CNBD1: variants seen among roughly 807,000 people sequenced by gnomAD.
CNBD1 encodes the protein cyclic nucleotide-binding domain-containing protein 1.
CNBD1 carries 71 observed loss-of-function variants against 54.4 expected under a neutral mutation model. The ratio of observed to expected loss-of-function variants is 1.30; its 90% CI spans 1.08 to 1.59. The LOEUF (loss-of-function observed/expected upper bound fraction) is 1.59. Ranked by LOEUF, CNBD1 falls within the 40% of genes most tolerant of loss-of-function variation. The pLI is 0.00. For missense variants in CNBD1, 659 were observed against 518.0 expected (o/e 1.27, Z -2.64); for synonymous variants, 182 against 170.7 (o/e 1.07, Z -0.51).
intron 8 of CNBD1, among the ~76,000 whole-genome samples, chr8:87,315,385 A>AT (rs112581986): frequency 1.8e-3 from 265 of 147,948 alleles, no homozygotes; most frequent in African/African-American, 2.2e-3. Flanking sequence ...AAAAATAGAG[A>AT]TTTTTTTTTT....
At chr8:86,939,098 C>T (rs888591458) in intron 3 of CNBD1, among the ~76,000 whole-genome samples, 7 of 151,964 alleles carry the variant, frequency 4.6e-5, no homozygotes, top group African/African-American at 1.4e-4. Flanking sequence ...ATTTGTACAT[C>T]TCTTAGGGAT....
At chr8:87,084,144 A>G (rs1410607163) in intron 4 of CNBD1, among the ~76,000 whole-genome samples, 1 of 152,156 alleles carries the variant, frequency 6.6e-6, no homozygotes, top group Admixed American at 6.5e-5. Flanking sequence ...CACTGTTTTC[A>G]TGTTTCATTG....
chr8:87,367,909 C>G (rs764889899), intron 10 of CNBD1, among the ~76,000 whole-genome samples: 1 of 152,026 alleles, frequency 6.6e-6, no homozygotes, highest in African/African-American at 2.4e-5. Context: ...TGGTGGCTTA[C>G]GCCTATAATT....
At chr8:86,878,271 G>A (rs1322879672) in intron 1 of CNBD1, among the ~76,000 whole-genome samples, 1 of 152,006 alleles carries the variant, frequency 6.6e-6, no homozygotes, top group Non-Finnish European at 1.5e-5. Flanking sequence ...TAGGTTCCAG[G>A]ATTATTAAAT....
chr8:87,127,327 A>T lies in CNBD1; in HGVS notation c.432-78666A>T, dbSNP rs113120565. Reference sequence around the variant, plus strand: ...CTCCATTTATTTTAGGTCCTCTCTAATTTCTGTCAGCAATGTTTTTAGTTT... The same window carrying T: ...CTCCATTTATTTTAGGTCCTCTCTATTTTCTGTCAGCAATGTTTTTAGTTT... On this transcript the variant is annotated intron_variant, in intron 4 of 10. Coordinates refer to ENST00000518476, the MANE Select transcript of CNBD1 (RefSeq NM_173538.3). 3.3e-3 allele frequency among the ~76,000 whole-genome samples: 495 copies of T among 152,170 alleles called. 4 individuals are homozygous for T. Among genetic ancestry groups the T allele is most frequent in the African/African-American group, 0.011 (458 of 41,530 alleles).
At chr8:87,157,706 G>A (rs1448346548) in intron 4 of CNBD1, among the ~76,000 whole-genome samples, 1 of 152,044 alleles carries the variant, frequency 6.6e-6, no homozygotes, top group Non-Finnish European at 1.5e-5. Flanking sequence ...AGGGCAGAGG[G>A]GTCTCAAAAT....
At chr8:87,350,984 C>T (rs1044168396) in intron 8 of CNBD1, among the ~76,000 whole-genome samples, 3 of 151,926 alleles carry the variant, frequency 2.0e-5, no homozygotes, top group South Asian at 2.1e-4. Context: ...ATAATAACAT[C>T]GATTTATTGT....
chr8:87,208,176 T>C (rs1814017931), intron 5 of CNBD1, among the ~76,000 whole-genome samples: 1 of 152,196 alleles, frequency 6.6e-6, no homozygotes, highest in African/African-American at 2.4e-5. Context: ...CAGCTGTTTG[T>C]ACCTTCTGGT....
chr8:86,880,865 T>C (rs1425207249), intron 1 of CNBD1, among the ~76,000 whole-genome samples: 11 of 152,074 alleles, frequency 7.2e-5, no homozygotes, highest in Non-Finnish European at 1.6e-4. Flanking sequence ...GCAAGGTTGG[T>C]TCAACATATG....
chr8:87,408,631 A>T (rs992636550), intron 2 of CNBD1, among the ~76,000 whole-genome samples: 1 of 152,012 alleles, frequency 6.6e-6, no homozygotes, highest in African/African-American at 2.4e-5. Flanking sequence ...CATGCTTCAC[A>T]GATGTTGCAT....
intron 4 of CNBD1, among the ~76,000 whole-genome samples, chr8:87,061,751 A>G (rs1050312948): frequency 5.9e-5 from 9 of 152,242 alleles, no homozygotes; most frequent in Admixed American, 5.2e-4. Context: ...TATGTTATCA[A>G]TATACAATCA....
chr8:87,016,142 C>G (rs1010584884), intron 4 of CNBD1, among the ~76,000 whole-genome samples: 1 of 151,840 alleles, frequency 6.6e-6, no homozygotes, highest in Non-Finnish European at 1.5e-5. Context: ...CAAAAGCTAG[C>G]TCAGATGCCT....
At position 87,400,498 on chromosome 8, in the gene CNBD1, G is replaced by A. The variant is rs768283198; in HGVS notation, c.214-28048G>A. ...TAAGGAACTTGTTAGAAAAATGTCA[G>A]CATGTGGCAGTGTGTTGATCAATTC... On this transcript the variant is annotated intron_variant, in intron 2 of 7. Coordinates refer to the CNBD1 transcript ENST00000521593. Among the ~76,000 whole-genome samples the A allele has an allele frequency of 3.3e-4, 50 of 151,958 alleles. 1 individual carries two copies. The highest frequency in any genetic ancestry group is 3.8e-4 in the Non-Finnish European group (26 of 67,958).
chr8:87,414,814 T>A (rs751885844), intron 2 of CNBD1, among the ~76,000 whole-genome samples: 25 of 152,218 alleles, frequency 1.6e-4, no homozygotes, highest in Non-Finnish European at 3.1e-4. Context: ...TTAGTATACA[T>A]TATTTTTTAT....
At chr8:87,221,232 A>T (rs543383816) in intron 5 of CNBD1, among the ~76,000 whole-genome samples, 193 of 152,208 alleles carry the variant, frequency 1.3e-3, no homozygotes, top group African/African-American at 4.2e-3. Context: ...AAAAATTAGC[A>T]CTGTTTTTAT....
intron 4 of CNBD1, among the ~76,000 whole-genome samples, chr8:87,105,966 T>C (rs1405282739): frequency 1.3e-5 from 2 of 152,162 alleles, no homozygotes; most frequent in East Asian, 3.9e-4. Context: ...AGGCAAACCA[T>C]ATCTTTGATA....
At chr8:87,026,807 C>G (rs537198996) in intron 4 of CNBD1, among the ~76,000 whole-genome samples, 1 of 152,116 alleles carries the variant, frequency 6.6e-6, no homozygotes. Flanking sequence ...CCCAATAACT[C>G]AGGAAGTTCA....
rs191529131 is a variant in CNBD1 at position 86,875,996 on chromosome 8, G to A, written c.88+9413G>A. On this transcript the variant is annotated intron_variant, in intron 1 of 10. Transcript: ENST00000518476. The stretch of plus-strand genomic sequence containing the variant: ...GGAAAATATTCATGTGTATTTGTGA[G>A]ATTAATCTCTGGTTTCCTTTTTCAT... 3.8e-3 allele frequency among the ~76,000 whole-genome samples: 573 copies of A among 152,196 alleles called. 2 individuals carry two copies. The highest frequency in any genetic ancestry group is 0.012 in the African/African-American group (515 of 41,544).
chr8:87,170,675 T>C (rs759739805), intron 4 of CNBD1, among the ~76,000 whole-genome samples: 3 of 152,188 alleles, frequency 2.0e-5, no homozygotes, highest in Non-Finnish European at 4.4e-5. Context: ...GTTCTTTCTA[T>C]ACCCAGTTTC....
Sources: gnomAD v4.1 joint callset for allele counts (sites outside exome capture counted in the v4.1 genomes callset) on GRCh38, gnomAD v4.1.1 for gene constraint, MANE v1.5 for transcripts, NCBI Gene and HGNC (gene_info 2026-07-23, HGNC 2026-07-21) for gene names.